The following NRCAM variants were observed in gnomAD, a reference collection of about 807,000 sequenced individuals.
The protein encoded by NRCAM is NgCAM-related cell adhesion molecule.
A neutral mutation model predicts 156.5 loss-of-function variants in NRCAM; 83 were observed. The observed-to-expected ratio is 0.53, with a 90% CI of 0.44 to 0.64. The LOEUF (loss-of-function observed/expected upper bound fraction) is 0.64. Ranked by LOEUF, NRCAM falls within the 30% of genes least tolerant of loss-of-function variation. The pLI, the probability that NRCAM is intolerant of heterozygous loss-of-function variation, is 0.00. For synonymous variants in NRCAM, 538 were observed against 563.9 expected (o/e 0.95, Z 0.65); for missense variants, 1,417 against 1,597.3 (o/e 0.89, Z 1.92).
intron 3 of NRCAM, among the ~76,000 whole-genome samples, chr7:108,244,712 T>C (rs1278783427): frequency 6.6e-6 from 1 of 152,182 alleles, no homozygotes; most frequent in Non-Finnish European, 1.5e-5. Context: ...AGGACCACGT[T>C]TCTAATTTCC....
chr7:108,166,429 G>C (rs2054293557), intron 30 of NRCAM, among the ~76,000 whole-genome samples: 1 of 151,790 alleles, frequency 6.6e-6, no homozygotes, highest in African/African-American at 2.4e-5. Context: ...TGTATTTTTA[G>C]TAGAGACGGG....
chr7:108,166,531 A>T (rs2054419093), intron 30 of NRCAM, among the ~76,000 whole-genome samples: 1 of 152,128 alleles, frequency 6.6e-6, no homozygotes, highest in Non-Finnish European at 1.5e-5. Flanking sequence ...TACAGGCGTG[A>T]GCTACCGCGC....
chr7:108,272,047 T>G (rs1410807683), intron 3 of NRCAM, among the ~76,000 whole-genome samples: 1 of 152,224 alleles, frequency 6.6e-6, no homozygotes, highest in Non-Finnish European at 1.5e-5. Context: ...ATTTTAACTG[T>G]ATGTAATGGA....
chr7:108,153,194 C>T (rs1314573019), intron 32 of NRCAM, among the ~76,000 whole-genome samples: 2 of 151,934 alleles, frequency 1.3e-5, no homozygotes, highest in Non-Finnish European at 2.9e-5. Context: ...TGAAAAAACC[C>T]CAAACAAACC....
At chr7:108,352,260 G>C (rs2099418436) in intron 2 of NRCAM, among the ~76,000 whole-genome samples, 1 of 152,138 alleles carries the variant, frequency 6.6e-6, no homozygotes, top group African/African-American at 2.4e-5. Flanking sequence ...GAGTCCACCA[G>C]TCCATTAAAA....
chr7:108,331,209 G>A (rs2099123055), intron 2 of NRCAM, among the ~76,000 whole-genome samples: 1 of 151,942 alleles, frequency 6.6e-6, no homozygotes, highest in Non-Finnish European at 1.5e-5. Flanking sequence ...GACCAGCCTG[G>A]GCAACATAGT....
chr7:108,177,705 ATATATATATACGTGTG>A (rs1345331282), intron 26 of NRCAM, among the ~76,000 whole-genome samples: 16 of 35,846 alleles, frequency 4.5e-4, no homozygotes, highest in African/African-American at 6.2e-4. Context: ...ATACACGTAT[ATATATATATACGTGTG>A]TATATATATA....
chr7:108,206,271 G>C (rs1007429262), intron 13 of NRCAM, among the ~76,000 whole-genome samples: 1 of 152,222 alleles, frequency 6.6e-6, no homozygotes, highest in Non-Finnish European at 1.5e-5. Flanking sequence ...TCTGCCAGCA[G>C]GTTTTTGGAA....
At chr7:108,209,301 T>G in intron 12 of NRCAM, 120 bp downstream of exon 12, 2 of 673,686 alleles carry the variant, frequency 3.0e-6, no homozygotes, top group Non-Finnish European at 4.8e-6. Context: ...AGAGTCAAGG[T>G]ACCATGAATG....
chr7:108,294,433 A>G (rs1418248751), intron 3 of NRCAM, among the ~76,000 whole-genome samples: 1 of 152,048 alleles, frequency 6.6e-6, no homozygotes, highest in Non-Finnish European at 1.5e-5. Flanking sequence ...CCTTGTTCAA[A>G]ATTCCTAAAG....
chr7:108,333,736 C>T (rs1475715265), intron 2 of NRCAM, among the ~76,000 whole-genome samples: 1 of 152,154 alleles, frequency 6.6e-6, no homozygotes, highest in Non-Finnish European at 1.5e-5. Context: ...ATTGTTCATA[C>T]AATAGAAAGT....
chr7:108,393,423 A>T (rs1163435414), intron 2 of NRCAM, among the ~76,000 whole-genome samples: 2 of 152,042 alleles, frequency 1.3e-5, no homozygotes, highest in Non-Finnish European at 1.5e-5. Context: ...GTTTGCTAAG[A>T]CCTTTGGAAA....
chr7:108,316,847 A>G (rs2098931640), intron 2 of NRCAM, among the ~76,000 whole-genome samples: 1 of 152,002 alleles, frequency 6.6e-6, no homozygotes, highest in Non-Finnish European at 1.5e-5. Flanking sequence ...GCTGTCTAAC[A>G]AAGAGTCATG....
intron 25 of NRCAM, among the ~76,000 whole-genome samples, chr7:108,179,438 G>C (rs1317073352): frequency 6.6e-6 from 1 of 152,194 alleles, no homozygotes; most frequent in Non-Finnish European, 1.5e-5. Context: ...TTATCAAAAA[G>C]AGCTAAGCAA....
intron 3 of NRCAM, among the ~76,000 whole-genome samples, chr7:108,251,850 T>A (rs926610046): frequency 3.9e-5 from 6 of 151,998 alleles, no homozygotes; most frequent in Non-Finnish European, 8.8e-5. Flanking sequence ...AGAGGCAACA[T>A]TTTGGGGAGA....
At chr7:108,156,070 TC>T (rs2045271631) in intron 32 of NRCAM, among the ~76,000 whole-genome samples, 1 of 152,084 alleles carries the variant, frequency 6.6e-6, no homozygotes. Flanking sequence ...CAAGTAACAT[TC>T]ATGACCCAAA....
chr7:108,297,522 G>A (rs2098474532), intron 3 of NRCAM, among the ~76,000 whole-genome samples: 1 of 152,178 alleles, frequency 6.6e-6, no homozygotes, highest in Admixed American at 6.5e-5. Flanking sequence ...AAACTTTAAT[G>A]TTTCATAAGT....
intron 1 of NRCAM, among the ~76,000 whole-genome samples, chr7:108,451,394 G>A (rs754364582): frequency 3.6e-4 from 53 of 149,108 alleles, no homozygotes; most frequent in Admixed American, 6.7e-4. Context: ...CTATGGAAAA[G>A]AGTATAACGA....
At chr7:108,280,872 G>A (rs1205220082) in intron 3 of NRCAM, among the ~76,000 whole-genome samples, 1 of 152,138 alleles carries the variant, frequency 6.6e-6, no homozygotes, top group Non-Finnish European at 1.5e-5. Flanking sequence ...ATGAAGACAG[G>A]GAAGGTAGAC....
Sources: allele counts gnomAD v4.1 joint callset (sites outside exome capture counted in the v4.1 genomes callset), GRCh38; gene constraint gnomAD v4.1.1; transcripts MANE v1.5; gene names NCBI Gene and HGNC (gene_info 2026-07-23, HGNC 2026-07-21).